Variants in EYA2 observed in about 807,000 individuals in gnomAD.
EYA2 encodes the protein EYA transcriptional coactivator and phosphatase 2, also known as protein phosphatase EYA2.
Under a neutral mutation model 69.2 loss-of-function variants are expected in EYA2, and 31 were observed. The observed-to-expected ratio is 0.45, with a 90% CI of 0.34 to 0.60. The LOEUF (loss-of-function observed/expected upper bound fraction) is 0.60. Among genes scored for constraint, EYA2 ranks in the 20% least tolerant of loss-of-function variants. The pLI is 0.02. For synonymous variants in EYA2, 257 were observed against 279.4 expected (o/e 0.92, Z 0.80); for missense variants, 622 against 701.2 (o/e 0.89, Z 1.28).
At chr20:47,156,596 G>C (rs2033957362) in intron 10 of EYA2, among the ~76,000 whole-genome samples, 1 of 151,798 alleles carries the variant, frequency 6.6e-6, no homozygotes, top group South Asian at 2.1e-4. Context: ...ATAGCTTTAG[G>C]AGCCATCAGG....
chr20:47,030,441 A>C (rs995766950), intron 5 of EYA2, among the ~76,000 whole-genome samples: 1 of 152,228 alleles, frequency 6.6e-6, no homozygotes, highest in African/African-American at 2.4e-5. Context: ...GCAAACATTC[A>C]CCAGCGTAGG....
At chr20:46,941,060 C>G (rs1342554588) in intron 1 of EYA2, among the ~76,000 whole-genome samples, 1 of 152,226 alleles carries the variant, frequency 6.6e-6, no homozygotes, top group African/African-American at 2.4e-5. Flanking sequence ...AGAGCCCGAG[C>G]CTGCTGGCTG....
intron 9 of EYA2, among the ~76,000 whole-genome samples, chr20:47,130,261 CTTT>C (rs74178703): frequency 2.5e-5 from 2 of 81,260 alleles, no homozygotes; most frequent in Non-Finnish European, 2.2e-5. Context: ...GGTTTATTTT[CTTT>C]TTTTTTTTTT....
intron 1 of EYA2, among the ~76,000 whole-genome samples, chr20:46,972,161 A>G (rs376434048): frequency 2.6e-5 from 4 of 152,212 alleles, no homozygotes; most frequent in East Asian, 3.9e-4. Context: ...TGCAGAAGGA[A>G]CAGCAAGTGC....
chr20:47,006,362 T>C (rs1982715276), intron 4 of EYA2, among the ~76,000 whole-genome samples: 1 of 152,196 alleles, frequency 6.6e-6, no homozygotes, highest in Non-Finnish European at 1.5e-5. Context: ...AAACTACAGA[T>C]AGCCACTCCA....
chr20:47,126,892 G>A (rs1261583297), intron 9 of EYA2, among the ~76,000 whole-genome samples: 2 of 152,082 alleles, frequency 1.3e-5, no homozygotes, highest in Non-Finnish European at 1.5e-5. Context: ...ACTACAACGT[G>A]GAATTATCTG....
At chr20:46,967,423 T>C (rs1979859140) in intron 1 of EYA2, among the ~76,000 whole-genome samples, 2 of 152,234 alleles carry the variant, frequency 1.3e-5, no homozygotes, top group Non-Finnish European at 2.9e-5. Flanking sequence ...CCAATGGTAG[T>C]AAATGTCATG....
At chr20:47,153,347 G>A (rs2033860865) in intron 10 of EYA2, among the ~76,000 whole-genome samples, 1 of 151,854 alleles carries the variant, frequency 6.6e-6, no homozygotes, top group African/African-American at 2.4e-5. Flanking sequence ...TCAGTGTAAA[G>A]ATAAATGAGG....
intron 5 of EYA2, among the ~76,000 whole-genome samples, chr20:47,063,392 C>CGTGTGCGTGTGTGT (rs1430441053): frequency 6.3e-5 from 9 of 143,370 alleles, no homozygotes; most frequent in African/African-American, 1.8e-4. Context: ...TGTGCGTGTG[C>CGTGTGCGTGTGTGT]GTGTGTGTGT....
intron 1 of EYA2, among the ~76,000 whole-genome samples, chr20:46,946,117 G>C (rs1281677828): frequency 1.3e-5 from 2 of 152,112 alleles, no homozygotes; most frequent in Non-Finnish European, 2.9e-5. Flanking sequence ...TCCTCCTCCA[G>C]TGCCTGTTTA....
chr20:47,181,801 C>T (rs1254032883), intron 14 of EYA2, among the ~76,000 whole-genome samples: 1 of 152,152 alleles, frequency 6.6e-6, no homozygotes, highest in Admixed American at 6.5e-5. Flanking sequence ...TACGTCCAAA[C>T]ATTATATGAA....
intron 9 of EYA2, among the ~76,000 whole-genome samples, chr20:47,126,579 G>GT (rs563050789): frequency 1.2e-3 from 179 of 152,072 alleles, no homozygotes; most frequent in African/African-American, 4.1e-3. Flanking sequence ...ACTTAGGTTT[G>GT]TTTTTTTTCA....
intron 1 of EYA2, among the ~76,000 whole-genome samples, chr20:46,956,730 A>G (rs574125981): frequency 4.5e-4 from 68 of 152,370 alleles, no homozygotes; most frequent in Non-Finnish European, 8.5e-4. Context: ...TGGTGGGCAC[A>G]TAAGCATCCC....
At chr20:47,041,032 A>G (rs1985033786) in intron 5 of EYA2, among the ~76,000 whole-genome samples, 2 of 152,196 alleles carry the variant, frequency 1.3e-5, no homozygotes, top group Non-Finnish European at 2.9e-5. Flanking sequence ...TAAGGAGCTT[A>G]GGCCTGGCTG....
At chr20:47,012,086 C>T (rs376751190) in intron 4 of EYA2, among the ~76,000 whole-genome samples, 1 of 152,216 alleles carries the variant, frequency 6.6e-6, no homozygotes, top group Admixed American at 6.5e-5. Flanking sequence ...AGATCTGTAT[C>T]TCCTGACCTG....
chr20:46,976,486 C>T (rs1600600010), intron 1 of EYA2, among the ~76,000 whole-genome samples: 1 of 152,166 alleles, frequency 6.6e-6, no homozygotes, highest in South Asian at 2.1e-4. Flanking sequence ...CCCGGGTTCA[C>T]GCCATTCTCC....
intron 7 of EYA2, among the ~76,000 whole-genome samples, chr20:47,078,910 C>A (rs560374197): frequency 1.3e-5 from 2 of 152,200 alleles, no homozygotes; most frequent in African/African-American, 4.8e-5. Context: ...CTCAACTATT[C>A]GACATCTAAG....
At chr20:47,166,031 CAA>C (rs960706764) in intron 10 of EYA2, among the ~76,000 whole-genome samples, 1 of 151,076 alleles carries the variant, frequency 6.6e-6, no homozygotes, top group African/African-American at 2.4e-5. Flanking sequence ...CTCTATTTTT[CAA>C]AAAAAGAAAA....
At chr20:46,983,582 C>A (rs182659172) in intron 1 of EYA2, among the ~76,000 whole-genome samples, 2 of 152,310 alleles carry the variant, frequency 1.3e-5, no homozygotes, top group African/African-American at 2.4e-5. Flanking sequence ...ATAGCTACCC[C>A]CTTTTTGCTT....
Sources: gnomAD v4.1 joint callset for allele counts (sites outside exome capture counted in the v4.1 genomes callset) on GRCh38, gnomAD v4.1.1 for gene constraint, MANE v1.5 for transcripts, NCBI Gene and HGNC (gene_info 2026-07-23, HGNC 2026-07-21) for gene names.